Variants in COPS5 observed in about 807,000 individuals in gnomAD.
COPS5 encodes COP9 signalosome subunit 5, also known as COP9 signalosome complex subunit 5.
A neutral mutation model predicts 44.4 loss-of-function variants in COPS5; 8 were observed. That is an observed-to-expected ratio of 0.18 (90% CI 0.11 to 0.32). The LOEUF (loss-of-function observed/expected upper bound fraction) is 0.32. Among genes scored for constraint, COPS5 ranks in the 10% least tolerant of loss-of-function variants. The probability of loss-of-function intolerance (pLI) is 1.00; values close to 1 mark genes in which losing one functional copy is unlikely to be tolerated. For synonymous variants in COPS5, 122 were observed against 142.8 expected (o/e 0.85, Z 1.04); for missense variants, 159 against 406.4 (o/e 0.39, Z 5.23).
At chr8:67,053,058 C>T (rs1450330507) in intron 5 of COPS5, among the ~76,000 whole-genome samples, 1 of 151,746 alleles carries the variant, frequency 6.6e-6, no homozygotes, top group Non-Finnish European at 1.5e-5. Context: ...GTTAGTGGTG[C>T]GAAAGATAAA....
intron 7 of COPS5, 170 bp from the exon 8 acceptor site, chr8:67,043,487 T>A (rs1199790315): frequency 2.0e-6 from 1 of 496,374 alleles, no homozygotes; most frequent in Non-Finnish European, 3.6e-6. Flanking sequence ...CTTCCCCATG[T>A]CTTTTTGACC....
intron 7 of COPS5, chr8:67,043,753 G>A (rs1159558635): frequency 6.6e-6 from 1 of 152,282 alleles, no homozygotes; most frequent in Non-Finnish European, 1.5e-5. Context: ...AGGTTAGCGG[G>A]TGAAGGCCTT....
intron 6 of COPS5, 147 bp from the exon 7 acceptor site, chr8:67,046,107 G>A (rs1163413788): frequency 5.1e-6 from 4 of 780,942 alleles, no homozygotes; most frequent in Middle Eastern, 2.5e-4. Flanking sequence ...TCAGTGAGGA[G>A]AGAAGTCAAA....
At chr8:67,061,778 C>T (rs2129538078) in intron 1 of COPS5, 76 bp downstream of exon 1, 1 of 1,481,378 alleles carries the variant, frequency 6.8e-7, no homozygotes, top group Non-Finnish European at 9.4e-7. Context: ...TCACCCCTTT[C>T]ACCTCCCTCT....
chr8:67,056,649 AAAAATATATATATATATATATATATAT>A (rs1563447176), intron 4 of COPS5, 45 bp from the exon 5 acceptor site: 4 of 76,978 alleles, frequency 5.2e-5, no homozygotes, highest in South Asian at 9.6e-4. Flanking sequence ...AAAAAAAAAA[AAAAATATATATATATATATATATATAT>A]ATATATATAT....
rs147150094 is a variant in COPS5, at chr8:67,045,937, C to T, written c.795G>A (p.Gln265=). 4 of 1,614,014 alleles carry T rather than the reference C, an allele frequency of 2.5e-6. No homozygotes were observed. The African/African-American group carries it at 5.3e-5, about 22-fold the overall frequency. Residue 265 remains glutamine (Q), a synonymous_variant, in exon 7 of 8, where the codon CAG becomes CAA. Coordinates refer to ENST00000357849, the MANE Select transcript of COPS5 (RefSeq NM_006837.3). The part of the protein sequence containing the change: ...LLTNADYTTG[Q]VFDLSEKLEQ... ...CTAACTTTTCAGACAAATCAAAGAC[C>T]TGACCAGTGGTATAGTCTGCATTCT...
intron 6 of COPS5, among the ~76,000 whole-genome samples, chr8:67,048,325 T>C (rs542285845): frequency 2.7e-5 from 4 of 149,750 alleles, no homozygotes; most frequent in African/African-American, 9.7e-5. Context: ...AAATAAAATA[T>C]AAAATAAAAT....
At position 67,061,965 on chromosome 8, in the gene COPS5, T is replaced by C; in HGVS notation, c.32A>G (p.Lys11Arg). Residue 11 changes from lysine (K) to arginine (R), a missense_variant, in exon 1 of 8, where the codon AAA becomes AGA. By Grantham distance (26) the Lys-to-Arg change is conservative. Around this residue, in one of 2 missense-constraint regions of COPS5, gnomAD observed 25 missense variants for 29.7 expected, o/e 0.84. Coordinates refer to ENST00000357849, the MANE Select transcript of COPS5 (RefSeq NM_006837.3). MAASGSGMAQ[K>R]TWELANNMQE... ...CATGTTGTTGGCCAGTTCCCAGGTT[T>C]TCTGGGCCATACCGCTCCCGGACGC... 6.2e-7 allele frequency: 1 copy of C among 1,614,236 alleles called. No individual in the cohort carries two copies. Among genetic ancestry groups the C allele is most frequent in the Non-Finnish European group, 8.5e-7 (1 of 1,180,044 alleles).
chr8:67,046,168 T>C (rs1410846283), intron 6 of COPS5, among the ~76,000 whole-genome samples: 1 of 152,204 alleles, frequency 6.6e-6, no homozygotes, highest in East Asian at 1.9e-4. Flanking sequence ...TGTAGATAGA[T>C]GTTTTCCCTT....
At position 67,061,834 on chromosome 8, in the gene COPS5, C is replaced by A. The variant is rs761714490; in HGVS notation, c.143+20G>T. 1.2e-6 allele frequency: 2 copies of A among 1,612,950 alleles called. No individual in the cohort carries two copies. The highest frequency in any genetic ancestry group is 2.7e-5 in the African/African-American group (2 of 74,892). On this transcript the variant is annotated intron_variant, in intron 1 of 7. Coordinates refer to ENST00000357849, the MANE Select transcript of COPS5 (RefSeq NM_006837.3). ...CCGCCACCCTTTCCCTCCCCTGCGT[C>A]TCGCCAGGGACCTCCTCACTCCTTA... is the stretch of plus-strand genomic sequence containing the variant.
At chr8:67,059,110 TA>T (rs1397648613) in intron 2 of COPS5, 100 bp downstream of exon 2, 4 of 700,176 alleles carry the variant, frequency 5.7e-6, no homozygotes, top group Middle Eastern at 3.6e-4. Flanking sequence ...AATTTAAATA[TA>T]AAATTTCATG....
chr8:67,058,340 T>C lies in COPS5; in HGVS notation c.379-129A>G. 3 of 839,984 alleles carry C rather than the reference T, an allele frequency of 3.6e-6. No individual in the cohort carries two copies. In the South Asian group the frequency reaches 5.3e-5, roughly 15 times the overall value. The allele number at this position is 839,984 out of a possible 1,614,324, so 52.0% of individuals were successfully genotyped here. ...AATTACCCACTTTTCTCAGCCCAGA[T>C]GCGAAATCTATGGGCAATTGCTTAC... On this transcript the variant is annotated intron_variant, in intron 2 of 7. Transcript: ENST00000357849.
chr8:67,046,543 G>A (rs575997790), intron 6 of COPS5, among the ~76,000 whole-genome samples: 2 of 151,854 alleles, frequency 1.3e-5, no homozygotes, highest in African/African-American at 2.4e-5. Context: ...TTTCTGGGTC[G>A]GGCGCGGTGG....
chr8:67,053,923 G>A (rs556077774), intron 5 of COPS5, among the ~76,000 whole-genome samples: 4 of 139,610 alleles, frequency 2.9e-5, no homozygotes, highest in South Asian at 2.3e-4. Context: ...GGATAATGGC[G>A]TGAACCTGGG....
chr8:67,043,483 C>T (rs1171965809), intron 7 of COPS5, 166 bp from the exon 8 acceptor site: 1 of 500,886 alleles, frequency 2.0e-6, no homozygotes, highest in Non-Finnish European at 3.5e-6. Flanking sequence ...TAGTCTTCCC[C>T]ATGTCTTTTT....
intron 5 of COPS5, 80 bp downstream of exon 5, chr8:67,056,439 C>T (rs918315547): frequency 8.6e-6 from 4 of 466,120 alleles, no homozygotes; most frequent in Non-Finnish European, 1.6e-5. Context: ...AAGCAATCCT[C>T]TCACTGTGGC....
chr8:67,044,466 C>G (rs1329630325), intron 7 of COPS5: 2 of 152,188 alleles, frequency 1.3e-5, no homozygotes, highest in Non-Finnish European at 2.9e-5. Context: ...TTTAGCTACT[C>G]TTTTCTCTTC....
rs144941026 is a variant in COPS5, at chr8:67,060,122, T to G, written c.144-677A>C. 232 of 182,664 alleles carry G rather than the reference T, an allele frequency of 1.3e-3. 2 individuals are homozygous for G. The highest frequency in any genetic ancestry group is 2.5e-3 in the Admixed American group (44 of 17,850). The allele number at this position is 182,664 out of a possible 1,614,324, so 11.3% of individuals were successfully genotyped here. A position where few individuals can be genotyped will look rare whatever the true frequency, so the allele number is the denominator to read the frequency against. On this transcript the variant is annotated intron_variant, in intron 1 of 7. Transcript: ENST00000357849. ...GTGGGCTTCCCTGTTATATCAGCCT[T>G]AAATTAAAAAGTAGCCCTAATATCC...
intron 4 of COPS5, among the ~76,000 whole-genome samples, chr8:67,056,968 T>C (rs1804523561): frequency 6.6e-6 from 1 of 151,980 alleles, no homozygotes; most frequent in East Asian, 1.9e-4. Flanking sequence ...AGATTTAGCT[T>C]GTTTTTTCTC....
Sources: allele counts gnomAD v4.1 joint callset (sites outside exome capture counted in the v4.1 genomes callset), GRCh38; gene constraint gnomAD v4.1.1; regional missense constraint gnomAD v4.1.1; transcripts MANE v1.5; gene names NCBI Gene and HGNC (gene_info 2026-07-23, HGNC 2026-07-21).